PICALM: variants seen among roughly 807,000 people sequenced by gnomAD.
PICALM encodes phosphatidylinositol-binding clathrin assembly protein.
Under a neutral mutation model 80.5 loss-of-function variants are expected in PICALM, and 40 were observed. The observed-to-expected ratio is 0.50, with a 90% CI of 0.39 to 0.65. The LOEUF is 0.65. Among genes scored for constraint, PICALM ranks in the 30% least tolerant of loss-of-function variants. PICALM has a pLI of 0.00. For synonymous variants in PICALM, 288 were observed against 260.3 expected (o/e 1.11, Z -1.02); for missense variants, 676 against 778.9 (o/e 0.87, Z 1.57).
intron 11 of PICALM, among the ~76,000 whole-genome samples, chr11:85,998,379 G>A (rs558336655): frequency 3.9e-5 from 6 of 152,020 alleles, no homozygotes; most frequent in Non-Finnish European, 7.4e-5. Context: ...CCAAAATGCT[G>A]GGATTACAGG....
intron 6 of PICALM, 84 bp downstream of exon 6, chr11:86,012,197 C>A: frequency 1.5e-6 from 1 of 658,088 alleles, no homozygotes; most frequent in South Asian, 2.6e-5. Flanking sequence ...AAATTTTTAG[C>A]CAGCTTTAAG....
At chr11:86,068,557 G>C (rs1011421739) in intron 1 of PICALM, 94 bp downstream of exon 1, 3 of 1,187,786 alleles carry the variant, frequency 2.5e-6, no homozygotes, top group Non-Finnish European at 3.5e-6. Flanking sequence ...GGAGGGAAGA[G>C]GCAGTAGAAG....
intron 2 of PICALM, among the ~76,000 whole-genome samples, chr11:86,026,741 T>C (rs2095654937): frequency 6.6e-6 from 1 of 152,036 alleles, no homozygotes; most frequent in Non-Finnish European, 1.5e-5. Flanking sequence ...AAAAAAAAAA[T>C]ACTTCTAAAC....
intron 1 of PICALM, among the ~76,000 whole-genome samples, chr11:86,056,135 T>C (rs2458501): frequency 4.3e-5 from 5 of 117,348 alleles, no homozygotes; most frequent in Admixed American, 9.7e-5. Flanking sequence ...ACTCTGTCTT[T>C]AAAAAAAAAA....
At chr11:86,015,034 G>T in intron 4 of PICALM, 71 bp from the exon 5 acceptor site, 1 of 867,948 alleles carries the variant, frequency 1.2e-6, no homozygotes, top group South Asian at 1.6e-5. Flanking sequence ...CTCCCCCCCT[G>T]GTTTTCTACT....
At chr11:86,000,562 A>G (rs1565356343) in intron 11 of PICALM, 81 bp downstream of exon 11, 1 of 1,111,640 alleles carries the variant, frequency 9.0e-7, no homozygotes, top group South Asian at 1.6e-5. Context: ...AAATAAAAGT[A>G]AACCTGAAAA....
In PICALM at chr11:85,958,120, A is replaced by C; in HGVS notation, c.*926T>G. ...CTCACATTCATTTTGGAAAGGCCCT[A>C]ATGTCAAATGGAAAATAATGACATG... On this transcript the variant is annotated 3_prime_UTR_variant, in exon 20 of 20. Coordinates refer to ENST00000393346, the MANE Select transcript of PICALM (RefSeq NM_007166.4). The C allele has an allele frequency of 4.4e-6, 1 of 225,452 alleles. No individual in the cohort carries two copies. The highest frequency in any genetic ancestry group is 6.4e-5 in the East Asian group (1 of 15,580). The allele number at this position is 225,452 out of a possible 1,614,324, so 14.0% of individuals were successfully genotyped here. A position where few individuals can be genotyped will look rare whatever the true frequency, so the allele number is the denominator to read the frequency against.
intron 13 of PICALM, among the ~76,000 whole-genome samples, chr11:85,988,639 A>G (rs932707609): frequency 1.3e-5 from 2 of 152,028 alleles, no homozygotes; most frequent in Non-Finnish European, 2.9e-5. Flanking sequence ...AGAATCAGGG[A>G]AGCAGCTAGG....
chr11:86,057,515 G>C (rs1382075927), intron 1 of PICALM, among the ~76,000 whole-genome samples: 2 of 152,038 alleles, frequency 1.3e-5, no homozygotes, highest in Admixed American at 1.3e-4. Flanking sequence ...TCCAGCCTGG[G>C]CAACAGAGTA....
At chr11:85,961,890 C>T (rs1027820352) in intron 19 of PICALM, among the ~76,000 whole-genome samples, 1 of 128,762 alleles carries the variant, frequency 7.8e-6, no homozygotes, top group Admixed American at 7.6e-5. Flanking sequence ...TATTTATTTT[C>T]GGAAAAGCAC....
At chr11:86,043,238 T>G (rs1308304267) in intron 1 of PICALM, among the ~76,000 whole-genome samples, 1 of 152,230 alleles carries the variant, frequency 6.6e-6, no homozygotes, top group African/African-American at 2.4e-5. Context: ...TATATTCTAG[T>G]TCTTAGCCTC....
chr11:86,013,952 G>A (rs1049098188), intron 5 of PICALM, among the ~76,000 whole-genome samples: 1 of 152,184 alleles, frequency 6.6e-6, no homozygotes, highest in African/African-American at 2.4e-5. Context: ...GGAATTTCAT[G>A]TAACTTCCAC....
chr11:86,011,197 A>G, intron 6 of PICALM, 61 bp from the exon 7 acceptor site: 1 of 701,570 alleles, frequency 1.4e-6, no homozygotes, highest in South Asian at 1.7e-5. Context: ...CAAAAAAGGA[A>G]AAAAAAAGTA....
chr11:85,978,968 C>T (rs1319177333), intron 17 of PICALM, among the ~76,000 whole-genome samples: 2 of 151,852 alleles, frequency 1.3e-5, no homozygotes, highest in Non-Finnish European at 1.5e-5. Context: ...CCTACCATAC[C>T]CTAGTCAGTG....
At chr11:86,051,986 T>C (rs1054065313) in intron 1 of PICALM, among the ~76,000 whole-genome samples, 1 of 152,234 alleles carries the variant, frequency 6.6e-6, no homozygotes, top group Non-Finnish European at 1.5e-5. Flanking sequence ...GCCCAAGACA[T>C]AGAAAGGTTT....
At chr11:86,061,223 C>T (rs574804384) in intron 1 of PICALM, among the ~76,000 whole-genome samples, 5 of 148,768 alleles carry the variant, frequency 3.4e-5, no homozygotes, top group East Asian at 2.0e-4. Context: ...CAGCTACTTG[C>T]GAGGCTGAGG....
chr11:86,064,957 C>T (rs1168148174), intron 1 of PICALM, among the ~76,000 whole-genome samples: 1 of 151,908 alleles, frequency 6.6e-6, no homozygotes, highest in Non-Finnish European at 1.5e-5. Context: ...TGGCACATGC[C>T]TATAGTCCCA....
At chr11:85,974,412 C>A (rs746611667) in intron 19 of PICALM, 24 of 544,552 alleles carry the variant, frequency 4.4e-5, no homozygotes, top group Non-Finnish European at 7.6e-5. Flanking sequence ...GGATACTACA[C>A]CAGAATCACG....
intron 2 of PICALM, among the ~76,000 whole-genome samples, chr11:86,030,557 C>T (rs1008457513): frequency 2.6e-5 from 4 of 152,170 alleles, no homozygotes; most frequent in Admixed American, 2.0e-4. Context: ...TACAATTTTA[C>T]AAATAAGTTT....
Sources: allele counts gnomAD v4.1 joint callset (sites outside exome capture counted in the v4.1 genomes callset), GRCh38; gene constraint gnomAD v4.1.1; transcripts MANE v1.5; gene names NCBI Gene and HGNC (gene_info 2026-07-23, HGNC 2026-07-21).